The following SYNE2 variants were observed in gnomAD, a reference collection of about 807,000 sequenced individuals.
The protein encoded by SYNE2 is spectrin repeat containing nuclear envelope protein 2.
In SYNE2, 431 loss-of-function variants were observed where a neutral mutation model predicts 856.3. The ratio of observed to expected loss-of-function variants is 0.50; its 90% CI spans 0.47 to 0.55. The LOEUF (loss-of-function observed/expected upper bound fraction) is 0.55, where lower values mean the gene tolerates loss of function less well. Ranked by LOEUF, SYNE2 falls within the 20% of genes least tolerant of loss-of-function variation. SYNE2 has a pLI of 0.00. For missense variants in SYNE2, 8,129 were observed against 8,023.2 expected, an observed-to-expected ratio of 1.01 and a Z score of -0.50; for synonymous variants, 2,923 against 2,872.3, an observed-to-expected ratio of 1.02 and a Z score of -0.56.
At chr14:64,054,416 G>A (rs1199347143) in intron 48 of SYNE2, among the ~76,000 whole-genome samples, 2 of 152,162 alleles carry the variant, frequency 1.3e-5, no homozygotes, top group African/African-American at 2.4e-5. Context: ...TCTGTGAGAT[G>A]AGTGCTATTA....
chr14:63,861,451 T>C (rs1302364471), intron 1 of SYNE2, among the ~76,000 whole-genome samples: 3 of 151,704 alleles, frequency 2.0e-5, no homozygotes, highest in African/African-American at 7.3e-5. Flanking sequence ...CCCTACCCCG[T>C]TGTATTTTAA....
intron 9 of SYNE2, 98 bp downstream of exon 9, chr14:63,961,723 T>C: frequency 1.1e-6 from 1 of 873,914 alleles, no homozygotes; most frequent in Non-Finnish European, 1.9e-6. Flanking sequence ...AGAACTTAAA[T>C]GTACAGTTTA....
intron 45 of SYNE2, among the ~76,000 whole-genome samples, chr14:64,045,878 G>C (rs2097182560): frequency 6.6e-6 from 1 of 152,150 alleles, no homozygotes; most frequent in African/African-American, 2.4e-5. Context: ...AAGTTGCAGA[G>C]ATAATACAAA....
In SYNE2 at chr14:63,990,528, G is replaced by A. The variant is rs2096658803; in HGVS notation, c.2431G>A (p.Gly811Arg). 2 of 1,613,730 alleles carry A rather than the reference G, an allele frequency of 1.2e-6. No homozygotes were observed. The highest frequency in any genetic ancestry group is 1.7e-5 in the Admixed American group (1 of 59,990). ...GTCCTTTCAACATGTTCTCACAACT[G>A]GGCTTCAGGCAAAGATTCAAGAAGC... ...QESFQHVLTT[G>R]LQAKIQEAKE... The change falls in exon 20 of 116, where the codon GGG becomes AGG. Residue 811 changes from glycine (G) to arginine (R), a missense_variant. Physicochemically the swap from Gly to Arg is moderately radical, Grantham distance 125 (BLOSUM62 -2). Transcript: ENST00000555002.
intron 1 of SYNE2, among the ~76,000 whole-genome samples, chr14:63,813,042 T>C (rs7147369): frequency 0.63 from 96,117 of 152,010 alleles, 30,851 homozygotes; most frequent in South Asian, 0.75. Flanking sequence ...AGGAATTCAC[T>C]CAAATATATA....
chr14:64,221,497 A>AAG (rs1230545604), intron 111 of SYNE2, 79 bp from the exon 112 acceptor site: 1 of 1,613,820 alleles, frequency 6.2e-7, no homozygotes, highest in African/African-American at 1.3e-5. Flanking sequence ...GATGGATTGG[A>AAG]AGCAGTAAGC....
chr14:64,065,203 T>G (rs2097349537), intron 50 of SYNE2, among the ~76,000 whole-genome samples: 1 of 151,704 alleles, frequency 6.6e-6, no homozygotes, highest in African/African-American at 2.4e-5. Flanking sequence ...TGGAAAAAAA[T>G]GGTTTATGGG....
upstream of SYNE2, among the ~76,000 whole-genome samples, chr14:63,848,540 A>G (rs575056517): frequency 1.2e-4 from 19 of 152,334 alleles, no homozygotes; most frequent in South Asian, 3.9e-3. Context: ...GGGTAAAACA[A>G]ACAAGACATA....
chr14:64,089,280 C>T (rs1417361726), intron 58 of SYNE2, among the ~76,000 whole-genome samples: 10 of 142,330 alleles, frequency 7.0e-5, no homozygotes, highest in Admixed American at 2.3e-4. Flanking sequence ...GCAGGAGAAT[C>T]GCTTGAACCT....
intron 2 of SYNE2, among the ~76,000 whole-genome samples, chr14:63,930,702 C>G (rs1397488784): frequency 6.6e-6 from 1 of 151,792 alleles, no homozygotes; most frequent in Non-Finnish European, 1.5e-5. Flanking sequence ...GCCTGGCTAA[C>G]TTTTTGTATT....
intron 27 of SYNE2, 53 bp downstream of exon 27, chr14:63,999,093 A>G: frequency 1.3e-6 from 2 of 1,560,308 alleles, no homozygotes; most frequent in Non-Finnish European, 1.8e-6. Context: ...AGAAAATAGT[A>G]CCACTGTGAG....
At chr14:64,022,113 T>A in intron 37 of SYNE2, 85 bp downstream of exon 37, 17 of 1,293,280 alleles carry the variant, frequency 1.3e-5, no homozygotes, top group East Asian at 2.3e-5. Flanking sequence ...AATCTAAGCC[T>A]GACTTAGAGA....
chr14:63,918,610 A>G (rs1222483876), intron 2 of SYNE2, among the ~76,000 whole-genome samples: 1 of 152,210 alleles, frequency 6.6e-6, no homozygotes, highest in Non-Finnish European at 1.5e-5. Context: ...GCGGTGATGC[A>G]TGTTGGGCGA....
intron 111 of SYNE2, 149 bp from the exon 112 acceptor site, chr14:64,221,427 C>T: frequency 7.1e-7 from 1 of 1,410,862 alleles, no homozygotes; most frequent in Non-Finnish European, 9.8e-7. Context: ...GGGGCCCTGG[C>T]ATTTAGTTTA....
intron 1 of SYNE2, among the ~76,000 whole-genome samples, chr14:63,837,274 C>T (rs1242570655): frequency 2.0e-5 from 3 of 152,140 alleles, no homozygotes; most frequent in Admixed American, 6.6e-5. Flanking sequence ...CCCTACATCA[C>T]ACAATACACA....
intron 114 of SYNE2, 73 bp from the exon 115 acceptor site, chr14:64,224,926 A>ATTT: frequency 7.8e-7 from 1 of 1,276,576 alleles, no homozygotes. Context: ...TTAAGGGAGG[A>ATTT]TTTTTTTTTT....
rs762432541 is a variant in SYNE2, at chr14:64,126,579, T to G, written c.13708-19T>G. ...TGAGGTCAGAGCTCATTCATTGTCT[T>G]CCTTCCTCTCCACTCCAGACGCTGG... On this transcript the variant is annotated intron_variant, in intron 72 of 115. Transcript: ENST00000555002. 1.9e-6 allele frequency: 3 copies of G among 1,614,082 alleles called. No homozygotes were observed. The highest frequency in any genetic ancestry group is 2.5e-6 in the Non-Finnish European group (3 of 1,180,038).
chr14:64,113,387 C>T lies in SYNE2; in HGVS notation c.12656C>T (p.Ala4219Val), dbSNP rs767658277. ...IEADTLDSSD[A>V]QGGLEPRVEK... ...GCTGACACTCTGGACTCTTCTGACG[C>T]GCAAGGAGGTTTGGAGCCCAGGGTG... is the stretch of plus-strand genomic sequence containing the variant. Residue 4219 changes from alanine (A) to valine (V), a missense_variant, in exon 66 of 116, where the codon GCG becomes GTG. Ala to Val is a moderately conservative substitution (Grantham distance 64). This residue lies in a region of SYNE2 where 5,410 missense variants were observed against 5,284.8 expected (regional missense o/e 1.02). Coordinates refer to ENST00000555002, the MANE Select transcript of SYNE2 (RefSeq NM_182914.3). 129 of 1,614,112 alleles carry T rather than the reference C, an allele frequency of 8.0e-5. 2 individuals are homozygous for T. The highest frequency in any genetic ancestry group is 2.4e-4 in the South Asian group (22 of 91,076).
intron 2 of SYNE2, among the ~76,000 whole-genome samples, chr14:63,924,865 C>CTTTTTTTTTTTTTT (rs1595671224): frequency 2.5e-5 from 1 of 39,544 alleles, no homozygotes; most frequent in Admixed American, 3.0e-4. Flanking sequence ...TTTTTTTTTG[C>CTTTTTTTTTTTTTT]CTTACTCCAG....
Sources: allele counts gnomAD v4.1 joint callset (sites outside exome capture counted in the v4.1 genomes callset), GRCh38; gene constraint gnomAD v4.1.1; regional missense constraint gnomAD v4.1.1; transcripts MANE v1.5; gene names NCBI Gene and HGNC (gene_info 2026-07-23, HGNC 2026-07-21).